The following CTNND2 variants were observed in gnomAD, a reference collection of about 807,000 sequenced individuals.
CTNND2 encodes the protein catenin delta-2.
Under a neutral mutation model 144.4 loss-of-function variants are expected in CTNND2, and 22 were observed. The ratio of observed to expected loss-of-function variants is 0.15; its 90% CI spans 0.11 to 0.22. The LOEUF is 0.22. CTNND2 is among the 10% of genes least tolerant of loss of function. The pLI, the probability that CTNND2 is intolerant of heterozygous loss-of-function variation, is 1.00. For missense variants in CTNND2, 1,353 were observed against 1,618.8 expected (o/e 0.84, Z 2.82); for synonymous variants, 751 against 695.6 (o/e 1.08, Z -1.25).
At chr5:11,685,987 T>G (rs1262042076) in intron 2 of CTNND2, among the ~76,000 whole-genome samples, 2 of 152,114 alleles carry the variant, frequency 1.3e-5, no homozygotes, top group African/African-American at 4.8e-5. Flanking sequence ...GGCCAATAGC[T>G]TTGAGCTCAG....
At chr5:11,382,189 A>G (rs1181275099) in intron 7 of CTNND2, among the ~76,000 whole-genome samples, 1 of 152,186 alleles carries the variant, frequency 6.6e-6, no homozygotes, top group Admixed American at 6.5e-5. Flanking sequence ...GCCATCTATC[A>G]TAAGTATTTT....
intron 1 of CTNND2, among the ~76,000 whole-genome samples, chr5:11,802,636 G>A (rs968843992): frequency 1.1e-4 from 16 of 151,464 alleles, no homozygotes; most frequent in African/African-American, 3.6e-4. Context: ...TTGTTACCTT[G>A]TTACAGTGTA....
chr5:11,206,866 A>G (rs931620937), intron 10 of CTNND2, among the ~76,000 whole-genome samples: 22 of 152,124 alleles, frequency 1.4e-4, no homozygotes, highest in African/African-American at 5.1e-4. Flanking sequence ...TCCCAAGACC[A>G]TGTTCCCAGG....
chr5:11,485,663 G>A (rs2149984013), intron 3 of CTNND2, among the ~76,000 whole-genome samples: 1 of 152,240 alleles, frequency 6.6e-6, no homozygotes, highest in Admixed American at 6.5e-5. Flanking sequence ...TTTAACAAAT[G>A]ATAAGTGTTA....
chr5:11,515,111 CAA>C (rs5865953), intron 3 of CTNND2, among the ~76,000 whole-genome samples: 5 of 135,522 alleles, frequency 3.7e-5, no homozygotes, highest in Non-Finnish European at 4.8e-5. Flanking sequence ...TAATGCACAC[CAA>C]AAAAAAAAAA....
intron 2 of CTNND2, among the ~76,000 whole-genome samples, chr5:11,679,991 T>C (rs1461218262): frequency 6.6e-6 from 1 of 152,108 alleles, no homozygotes; most frequent in Non-Finnish European, 1.5e-5. Context: ...ACATAACTTA[T>C]CCTGGGAGAC....
At chr5:11,723,531 C>T (rs953211847) in intron 2 of CTNND2, among the ~76,000 whole-genome samples, 1 of 152,166 alleles carries the variant, frequency 6.6e-6, no homozygotes, top group African/African-American at 2.4e-5. Flanking sequence ...GAGACCCCTG[C>T]ACCATAAAAG....
At chr5:11,389,799 A>T (rs1581091170) in intron 6 of CTNND2, among the ~76,000 whole-genome samples, 1 of 152,234 alleles carries the variant, frequency 6.6e-6, no homozygotes, top group African/African-American at 2.4e-5. Context: ...GAGCACTGAC[A>T]TGAATGTCAC....
At chr5:11,155,384 T>C (rs1758127102) in intron 12 of CTNND2, among the ~76,000 whole-genome samples, 1 of 152,262 alleles carries the variant, frequency 6.6e-6, no homozygotes, top group African/African-American at 2.4e-5. Context: ...ACCTCATTTA[T>C]TCTTACATCC....
At chr5:11,173,802 G>T (rs559963345) in intron 11 of CTNND2, among the ~76,000 whole-genome samples, 1 of 152,050 alleles carries the variant, frequency 6.6e-6, no homozygotes, top group African/African-American at 2.4e-5. Context: ...CACAATTCAG[G>T]GTTGTTTAGT....
At chr5:11,071,470 G>C (rs1223147891) in intron 16 of CTNND2, among the ~76,000 whole-genome samples, 2 of 152,148 alleles carry the variant, frequency 1.3e-5, no homozygotes. Context: ...AACCTCGGAG[G>C]CTGAGGTTGT....
chr5:11,426,519 A>G (rs1762791849), intron 3 of CTNND2, among the ~76,000 whole-genome samples: 1 of 152,182 alleles, frequency 6.6e-6, no homozygotes, highest in African/African-American at 2.4e-5. Flanking sequence ...AGTGAAGGAG[A>G]TACGCACAAT....
At chr5:11,062,696 G>A (rs530431313) in intron 16 of CTNND2, among the ~76,000 whole-genome samples, 7 of 152,196 alleles carry the variant, frequency 4.6e-5, no homozygotes, top group Non-Finnish European at 7.3e-5. Flanking sequence ...GTGTGCTGTC[G>A]GGGACCGCGT....
intron 2 of CTNND2, among the ~76,000 whole-genome samples, chr5:11,645,686 T>C (rs1222261932): frequency 1.3e-5 from 2 of 152,208 alleles, no homozygotes; most frequent in Non-Finnish European, 2.9e-5. Flanking sequence ...TTTTGTGCAC[T>C]TGTAACTGTT....
chr5:11,839,680 T>C (rs1794351923), intron 1 of CTNND2, among the ~76,000 whole-genome samples: 1 of 152,148 alleles, frequency 6.6e-6, no homozygotes, highest in South Asian at 2.1e-4. Flanking sequence ...ATGAGGTCTC[T>C]ACAAGACACT....
intron 3 of CTNND2, among the ~76,000 whole-genome samples, chr5:11,427,353 C>A (rs1401280745): frequency 1.3e-5 from 2 of 149,252 alleles, no homozygotes; most frequent in Non-Finnish European, 3.0e-5. Flanking sequence ...TCTCGGCTCA[C>A]TGGAACCTTT....
intron 9 of CTNND2, among the ~76,000 whole-genome samples, chr5:11,294,029 G>A (rs1214444091): frequency 6.6e-6 from 1 of 151,488 alleles, no homozygotes. Context: ...AGGACATTTT[G>A]CGTAATTATA....
chr5:11,662,178 C>CACATATGTGT (rs1554101263), intron 2 of CTNND2, among the ~76,000 whole-genome samples: 7 of 120,400 alleles, frequency 5.8e-5, no homozygotes, highest in Non-Finnish European at 8.9e-5. Context: ...TGTATATATA[C>CACATATGTGT]ATATATGTGT....
At chr5:11,765,970 CTTGGGT>C (rs1789563124) in intron 1 of CTNND2, among the ~76,000 whole-genome samples, 1 of 152,052 alleles carries the variant, frequency 6.6e-6, no homozygotes, top group Non-Finnish European at 1.5e-5. Context: ...AAAGCAAAAG[CTTGGGT>C]TTTCTAAAAT....
Sources: gnomAD v4.1 joint callset for allele counts (sites outside exome capture counted in the v4.1 genomes callset) on GRCh38, gnomAD v4.1.1 for gene constraint, MANE v1.5 for transcripts, NCBI Gene and HGNC (gene_info 2026-07-23, HGNC 2026-07-21) for gene names.